The following GRIK2 variants were observed in gnomAD, a reference collection of about 807,000 sequenced individuals.
GRIK2 encodes the protein glutamate ionotropic receptor kainate type subunit 2.
GRIK2 carries 32 observed loss-of-function variants against 100.3 expected under a neutral mutation model. The ratio of observed to expected loss-of-function variants is 0.32; its 90% CI spans 0.24 to 0.43. GRIK2 has a LOEUF of 0.43. Ranked by LOEUF, GRIK2 falls within the 20% of genes least tolerant of loss-of-function variation. GRIK2 has a pLI of 1.00. For missense variants in GRIK2, 843 were observed against 1,114.9 expected, an observed-to-expected ratio of 0.76 and a Z score of 3.47; for synonymous variants, 417 against 389.4, an observed-to-expected ratio of 1.07 and a Z score of -0.83.
chr6:101,911,242 A>C (rs994328257), intron 12 of GRIK2, among the ~76,000 whole-genome samples: 1 of 151,484 alleles, frequency 6.6e-6, no homozygotes, highest in Non-Finnish European at 1.5e-5. Flanking sequence ...ATAGCCAAGA[A>C]TTTTAACTGT....
At chr6:102,044,551 GAAACCATC>G (rs1488746511) in intron 15 of GRIK2, among the ~76,000 whole-genome samples, 1 of 151,870 alleles carries the variant, frequency 6.6e-6, no homozygotes, top group African/African-American at 2.4e-5. Context: ...AACTCTTGAT[GAAACCATC>G]AGATCTCGTG....
chr6:101,623,658 G>A (rs1780287666), intron 3 of GRIK2, among the ~76,000 whole-genome samples: 1 of 152,064 alleles, frequency 6.6e-6, no homozygotes, highest in Non-Finnish European at 1.5e-5. Context: ...GAATGCCCTA[G>A]CAAAATTATG....
chr6:101,419,158 G>A (rs1380800121), intron 2 of GRIK2, among the ~76,000 whole-genome samples: 1 of 152,126 alleles, frequency 6.6e-6, no homozygotes, highest in Non-Finnish European at 1.5e-5. Context: ...TGAGGCACGA[G>A]CAGGTTTTAT....
Position 101,924,591 on chromosome 6 carries a change from A to T in GRIK2, c.1749-10A>T, listed in dbSNP as rs1390998393. 1 of 1,363,876 alleles carries T rather than the reference A, an allele frequency of 7.3e-7. No homozygotes were observed. Among genetic ancestry groups the T allele is most frequent in the Non-Finnish European group, 1.0e-6 (1 of 956,312 alleles). 84.5% of individuals were successfully genotyped at this position (1,363,876 alleles called of 1,614,324 possible). On this transcript the variant is annotated splice_polypyrimidine_tract_variant and intron_variant, in intron 12 of 16. Coordinates refer to ENST00000369134, the MANE Select transcript of GRIK2 (RefSeq NM_021956.5). ...TTTAAATGTATTCTTTTTTCTGTCA[A>T]TTACCACAGGTTTAGTCCTTATGAG...
chr6:101,971,580 T>C (rs1352147652), intron 14 of GRIK2, among the ~76,000 whole-genome samples: 1 of 152,066 alleles, frequency 6.6e-6, no homozygotes, highest in Non-Finnish European at 1.5e-5. Context: ...ACTTTTATTT[T>C]AGATACAGAG....
chr6:101,997,476 T>G (rs1794711591), intron 14 of GRIK2, among the ~76,000 whole-genome samples: 1 of 152,100 alleles, frequency 6.6e-6, no homozygotes, highest in African/African-American at 2.4e-5. Flanking sequence ...ATGTGATTAT[T>G]AATTGTTAAT....
At chr6:101,958,839 C>T (rs968646076) in intron 14 of GRIK2, among the ~76,000 whole-genome samples, 8 of 151,942 alleles carry the variant, frequency 5.3e-5, no homozygotes, top group Admixed American at 1.3e-4. Flanking sequence ...TATTAATTTG[C>T]ATGTGTTGAA....
chr6:101,901,940 T>C (rs965973026), intron 12 of GRIK2, among the ~76,000 whole-genome samples: 3 of 151,996 alleles, frequency 2.0e-5, no homozygotes, highest in South Asian at 2.1e-4. Flanking sequence ...ATCCTTCTAC[T>C]TCACCATGTA....
chr6:101,507,691 C>T (rs1202399631), intron 2 of GRIK2, among the ~76,000 whole-genome samples: 1 of 151,990 alleles, frequency 6.6e-6, no homozygotes, highest in Non-Finnish European at 1.5e-5. Flanking sequence ...TTGTAAAGCT[C>T]AAATAGAATA....
At chr6:101,714,421 A>G (rs1051666254) in intron 7 of GRIK2, among the ~76,000 whole-genome samples, 3 of 151,698 alleles carry the variant, frequency 2.0e-5, no homozygotes, top group Non-Finnish European at 4.4e-5. Flanking sequence ...CTTACTTTAC[A>G]TCTCTTTCTC....
chr6:101,678,617 A>G (rs1452123107), intron 5 of GRIK2, among the ~76,000 whole-genome samples: 1 of 152,302 alleles, frequency 6.6e-6, no homozygotes, highest in South Asian at 2.1e-4. Context: ...CTTCTAGGAA[A>G]TTCAGCAGTG....
intron 7 of GRIK2, among the ~76,000 whole-genome samples, chr6:101,762,619 A>C (rs1158503037): frequency 1.3e-5 from 2 of 152,142 alleles, no homozygotes; most frequent in East Asian, 3.9e-4. Flanking sequence ...TTTGCCTTTG[A>C]ATCCAGGTAT....
At chr6:102,068,233 C>T (rs1236834913) in intron 16 of GRIK2, 114 bp from the exon 17 acceptor site, 1 of 703,334 alleles carries the variant, frequency 1.4e-6, no homozygotes, top group Non-Finnish European at 2.3e-6. Flanking sequence ...TGAAAATTTT[C>T]AAACCTTCAA....
At chr6:102,027,948 A>G (rs1028590138) in intron 14 of GRIK2, among the ~76,000 whole-genome samples, 3 of 151,102 alleles carry the variant, frequency 2.0e-5, no homozygotes, top group Admixed American at 6.6e-5. Flanking sequence ...TTAGCTTTTC[A>G]TAATATTTTC....
intron 10 of GRIK2, among the ~76,000 whole-genome samples, chr6:101,845,889 A>G (rs1783778789): frequency 6.6e-6 from 1 of 152,008 alleles, no homozygotes; most frequent in Non-Finnish European, 1.5e-5. Context: ...TGCGGTTTAG[A>G]TTTGCATTTC....
chr6:101,497,620 T>A (rs1225473027), intron 2 of GRIK2, among the ~76,000 whole-genome samples: 4 of 152,140 alleles, frequency 2.6e-5, no homozygotes, highest in African/African-American at 4.8e-5. Flanking sequence ...TGCTTATTGT[T>A]TTTGTTTATA....
Position 101,924,739 on chromosome 6 carries a change from A to G in GRIK2, c.1867+20A>G. The G allele has an allele frequency of 2.1e-6, 3 of 1,436,826 alleles. No homozygotes were observed. In the Middle Eastern group the frequency reaches 5.3e-4, roughly 253 times the overall value. 89.0% of individuals were successfully genotyped at this position (1,436,826 alleles called of 1,614,324 possible). A position where few individuals can be genotyped will look rare whatever the true frequency, so the allele number is the denominator to read the frequency against. On this transcript the variant is annotated intron_variant, in intron 13 of 16. Transcript: ENST00000369134. ...AGCAAGGTATACGATTCAGCCTGCTATTTCCTTTGGGCACCATGTCCCACT... is the reference window on the plus strand; with the variant it reads ...AGCAAGGTATACGATTCAGCCTGCTGTTTCCTTTGGGCACCATGTCCCACT...
chr6:101,632,144 TTGGGTG>T (rs1193962668), intron 4 of GRIK2, among the ~76,000 whole-genome samples: 1 of 152,112 alleles, frequency 6.6e-6, no homozygotes, highest in Admixed American at 6.6e-5. Context: ...ACCATCCGGC[TTGGGTG>T]TCACAAAGAA....
At chr6:101,883,519 T>C (rs1376162346) in intron 11 of GRIK2, among the ~76,000 whole-genome samples, 1 of 152,132 alleles carries the variant, frequency 6.6e-6, no homozygotes, top group East Asian at 1.9e-4. Flanking sequence ...CAAGTGACAA[T>C]GTCTGTTTAT....
Sources: gnomAD v4.1 joint callset for allele counts (sites outside exome capture counted in the v4.1 genomes callset) on GRCh38, gnomAD v4.1.1 for gene constraint, MANE v1.5 for transcripts, NCBI Gene and HGNC (gene_info 2026-07-23, HGNC 2026-07-21) for gene names.